PARD3: variants seen among roughly 807,000 people sequenced by gnomAD.
PARD3 encodes the protein par-3 family cell polarity regulator, also known as partitioning defective 3 homolog.
In PARD3, 75 loss-of-function variants were observed where a neutral mutation model predicts 155.4. The ratio of observed to expected loss-of-function variants is 0.48; its 90% CI spans 0.40 to 0.58. The LOEUF (loss-of-function observed/expected upper bound fraction) is 0.58, where lower values mean the gene tolerates loss of function less well. PARD3 is among the 20% of genes least tolerant of loss of function. The pLI is 0.00. For synonymous variants in PARD3, 576 were observed against 610.5 expected (o/e 0.94, Z 0.83); for missense variants, 1,642 against 1,721.7 (o/e 0.95, Z 0.82).
In PARD3 at chr10:34,412,816, T is replaced by C. The variant is rs144097134; in HGVS notation, c.715-10899A>G. ...TATGAAACATTTTCATATCAATATTTACCAGAAAGAGATGCCTTCAGAGAA... is the reference window on the plus strand; with the variant it reads ...TATGAAACATTTTCATATCAATATTCACCAGAAAGAGATGCCTTCAGAGAA... On this transcript the variant is annotated intron_variant, in intron 5 of 24. Coordinates refer to ENST00000374788, the MANE Select transcript of PARD3 (RefSeq NM_001184785.2). 1.8e-3 allele frequency among the ~76,000 whole-genome samples: 268 copies of C among 152,250 alleles called. 1 individual carries two copies. Among genetic ancestry groups the C allele is most frequent in the Admixed American group, 4.8e-3 (74 of 15,284 alleles).
At chr10:34,491,360 G>T (rs913037907) in intron 3 of PARD3, among the ~76,000 whole-genome samples, 3 of 152,172 alleles carry the variant, frequency 2.0e-5, no homozygotes, top group African/African-American at 7.2e-5. Context: ...AGATCTGAGG[G>T]ATTTCCACTA....
At chr10:34,736,279 C>T (rs2094912481) in intron 1 of PARD3, among the ~76,000 whole-genome samples, 1 of 151,676 alleles carries the variant, frequency 6.6e-6, no homozygotes, top group African/African-American at 2.4e-5. Flanking sequence ...ATCCGCCTGC[C>T]TCGGCCTCCC....
intron 22 of PARD3, among the ~76,000 whole-genome samples, chr10:34,170,803 A>G (rs1949750880): frequency 6.6e-6 from 1 of 152,216 alleles, no homozygotes; most frequent in African/African-American, 2.4e-5. Flanking sequence ...GACTAGTTCT[A>G]TTTGCCTTCT....
At chr10:34,612,055 T>G (rs1440648571) in intron 2 of PARD3, among the ~76,000 whole-genome samples, 1 of 151,580 alleles carries the variant, frequency 6.6e-6, no homozygotes, top group African/African-American at 2.4e-5. Context: ...CTCGATCCCC[T>G]CACCTCGTGA....
chr10:34,581,892 T>C (rs929273634), intron 2 of PARD3, among the ~76,000 whole-genome samples: 4 of 152,338 alleles, frequency 2.6e-5, no homozygotes, highest in African/African-American at 9.6e-5. Context: ...CTATTTAACA[T>C]GCTTGACAAC....
chr10:34,236,213 A>G lies in PARD3; in HGVS notation c.3419+33444T>C, dbSNP rs1180143325. 5.9e-5 allele frequency among the ~76,000 whole-genome samples: 9 copies of G among 152,288 alleles called. No individual in the cohort carries two copies. In the East Asian group the frequency reaches 1.7e-3, roughly 29 times the overall value. The stretch of plus-strand genomic sequence containing the variant: ...GGAGAGATGATGACTAAATTTCACA[A>G]TCTACACAGCCTACTGTCTGTCCAG... On this transcript the variant is annotated intron_variant, in intron 22 of 24. Transcript: ENST00000374788.
At chr10:34,417,810 G>A (rs1348012388) in intron 5 of PARD3, among the ~76,000 whole-genome samples, 1 of 152,134 alleles carries the variant, frequency 6.6e-6, no homozygotes, top group Non-Finnish European at 1.5e-5. Flanking sequence ...AATTACCAAT[G>A]TGATTTTATA....
chr10:34,695,984 C>G (rs1197608457), intron 2 of PARD3, among the ~76,000 whole-genome samples: 1 of 152,172 alleles, frequency 6.6e-6, no homozygotes, highest in East Asian at 1.9e-4. Context: ...ATGATAAGGA[C>G]AGGCCCGAGT....
intron 3 of PARD3, among the ~76,000 whole-genome samples, chr10:34,502,956 T>C (rs1589802163): frequency 6.6e-6 from 1 of 152,164 alleles, no homozygotes; most frequent in African/African-American, 2.4e-5. Flanking sequence ...GGGATCCAAC[T>C]GAACCATGGA....
chr10:34,752,383 T>C (rs1836158019), intron 1 of PARD3, among the ~76,000 whole-genome samples: 2 of 152,184 alleles, frequency 1.3e-5, no homozygotes. Context: ...AATAACTTAT[T>C]CAAGTCAGCA....
intron 20 of PARD3, among the ~76,000 whole-genome samples, chr10:34,309,404 T>A (rs1957578663): frequency 6.6e-6 from 1 of 151,386 alleles, no homozygotes. Flanking sequence ...ATATAAAATT[T>A]AAAAAGTAGT....
At position 34,713,854 on chromosome 10, in the gene PARD3, C is replaced by T. The variant is rs538346036; in HGVS notation, c.121-17435G>A. 7.2e-5 allele frequency among the ~76,000 whole-genome samples: 11 copies of T among 152,220 alleles called. No individual in the cohort carries two copies. The South Asian group carries it at 2.3e-3, about 32-fold the overall frequency. On this transcript the variant is annotated intron_variant, in intron 1 of 24. Coordinates refer to ENST00000374788, the MANE Select transcript of PARD3 (RefSeq NM_001184785.2). Reference sequence around the variant, plus strand: ...TCCAGGCAGAGATCTCCTGCCTCTCCTCTGGAGAGGTTACCTCCTCTGAGG... The same window carrying T: ...TCCAGGCAGAGATCTCCTGCCTCTCTTCTGGAGAGGTTACCTCCTCTGAGG...
rs114570888 is a variant in PARD3 at position 34,249,677 on chromosome 10, C to T, written c.3419+19980G>A. 3.4e-3 allele frequency among the ~76,000 whole-genome samples: 524 copies of T among 152,310 alleles called. 4 individuals are homozygous for T. Among genetic ancestry groups the T allele is most frequent in the African/African-American group, 0.012 (500 of 41,566 alleles). On this transcript the variant is annotated intron_variant, in intron 22 of 24. Transcript: ENST00000374788. ...AGAAGTTCCAACCATATGTCCCCCA[C>T]CCTGTATGGTCTGTCTCTGGCTCTG...
In PARD3 at chr10:34,317,307, T is replaced by C. The variant is rs139027702; in HGVS notation, c.2865A>G (p.Ser955=). Residue 955 remains serine (S), a synonymous_variant, in exon 20 of 25, where the codon TCA becomes TCG. Coordinates refer to ENST00000374788, the MANE Select transcript of PARD3 (RefSeq NM_001184785.2). ...TGGCTGTGGATACAGACTCTCTCCCTGATCTTGAACTTTCTTCTGTGTCTT... is the reference window on the plus strand; with the variant it reads ...TGGCTGTGGATACAGACTCTCTCCCCGATCTTGAACTTTCTTCTGTGTCTT... ...LEEDTEESSR[S]GRESVSTASD... 1.1e-5 allele frequency: 18 copies of C among 1,610,534 alleles called. No individual in the cohort carries two copies. In the East Asian group the frequency reaches 3.6e-4, roughly 32 times the overall value.
chr10:34,611,622 G>A (rs2090894798), intron 2 of PARD3, among the ~76,000 whole-genome samples: 1 of 151,874 alleles, frequency 6.6e-6, no homozygotes, highest in Admixed American at 6.6e-5. Flanking sequence ...AGGCAAATCG[G>A]AATACAATTA....
chr10:34,427,366 T>C (rs1051925905), intron 5 of PARD3, among the ~76,000 whole-genome samples: 8 of 152,208 alleles, frequency 5.3e-5, no homozygotes, highest in African/African-American at 1.9e-4. Flanking sequence ...AGTGTCTGCC[T>C]TATGCAGACG....
intron 2 of PARD3, among the ~76,000 whole-genome samples, chr10:34,545,037 A>C (rs943659187): frequency 2.3e-4 from 35 of 152,216 alleles, no homozygotes; most frequent in African/African-American, 8.4e-4. Flanking sequence ...GGTTCTGTCA[A>C]GACATAATTT....
chr10:34,766,723 G>GA (rs934278137), intron 1 of PARD3, among the ~76,000 whole-genome samples: 1 of 151,664 alleles, frequency 6.6e-6, no homozygotes, highest in African/African-American at 2.4e-5. Context: ...GGCCTTTGAG[G>GA]AAAAAATTCA....
At chr10:34,384,108 G>A (rs1183381269) in intron 8 of PARD3, 21 bp downstream of exon 8, 1 of 1,610,070 alleles carries the variant, frequency 6.2e-7, no homozygotes, top group Non-Finnish European at 8.5e-7. Context: ...AAGAACAGAA[G>A]TGCAGCGAGC....
Sources: gnomAD v4.1 joint callset for allele counts (sites outside exome capture counted in the v4.1 genomes callset) on GRCh38, gnomAD v4.1.1 for gene constraint, MANE v1.5 for transcripts, NCBI Gene and HGNC (gene_info 2026-07-23, HGNC 2026-07-21) for gene names.